The following CLEC16A variants were observed in gnomAD, a reference collection of about 807,000 sequenced individuals.
CLEC16A encodes the protein C-type lectin domain containing 16A.
In CLEC16A, 51 loss-of-function variants were observed where a neutral mutation model predicts 109.5. That is an observed-to-expected ratio of 0.47 (90% confidence interval 0.37 to 0.59). CLEC16A has a LOEUF of 0.59. Ranked by LOEUF, CLEC16A falls within the 20% of genes least tolerant of loss-of-function variation. The pLI, the probability that CLEC16A is intolerant of heterozygous loss-of-function variation, is 0.00. For synonymous variants in CLEC16A, 673 were observed against 564.2 expected (o/e 1.19, Z -2.73); for missense variants, 1,339 against 1,394.0 (o/e 0.96, Z 0.63).
At chr16:11,110,827 T>G in intron 19 of CLEC16A, among the ~76,000 whole-genome samples, 1 of 152,212 alleles carries the variant, frequency 6.6e-6, no homozygotes, top group Non-Finnish European at 1.5e-5. Flanking sequence ...TCACACAGTT[T>G]AATAACTGGC....
At chr16:11,159,501 C>T (rs1293104910) in intron 22 of CLEC16A, among the ~76,000 whole-genome samples, 3 of 152,208 alleles carry the variant, frequency 2.0e-5, no homozygotes, top group Non-Finnish European at 2.9e-5. Flanking sequence ...CATGCCAGCC[C>T]GAGCAGTTCC....
chr16:11,034,797 C>T (rs1447045850), intron 13 of CLEC16A, among the ~76,000 whole-genome samples: 2 of 152,184 alleles, frequency 1.3e-5, no homozygotes, highest in East Asian at 3.8e-4. Context: ...ATATTATCCA[C>T]AGTGTTTATT....
At chr16:11,142,207 C>A (rs1476670560) in intron 22 of CLEC16A, among the ~76,000 whole-genome samples, 1 of 152,224 alleles carries the variant, frequency 6.6e-6, no homozygotes, top group Non-Finnish European at 1.5e-5. Flanking sequence ...AAACCCACTG[C>A]TAGGCCATCG....
intron 11 of CLEC16A, among the ~76,000 whole-genome samples, chr16:11,003,778 C>T (rs1000730859): frequency 6.6e-6 from 1 of 151,816 alleles, no homozygotes; most frequent in Non-Finnish European, 1.5e-5. Flanking sequence ...TTCCCAATAA[C>T]CTGGGGTTAT....
rs1218201371 is a variant in CLEC16A at position 11,032,843 on chromosome 16, G to A, written c.1538-6911G>A. 2.6e-5 allele frequency among the ~76,000 whole-genome samples: 4 copies of A among 152,228 alleles called. No homozygotes were observed. In the East Asian group the frequency reaches 7.7e-4, roughly 29 times the overall value. ...GCGGGCAGGGGCCAGGTCATGAAGG[G>A]CCTTGAAGGCCCTGAAGAGGAATTG... is the stretch of plus-strand genomic sequence containing the variant. On this transcript the variant is annotated intron_variant, in intron 13 of 23. Transcript: ENST00000409790.
In CLEC16A at chr16:11,061,151, A is replaced by G; in HGVS notation, c.2116+129A>G. 4 of 1,104,658 alleles carry G rather than the reference A, an allele frequency of 3.6e-6. No homozygotes were observed. The South Asian group carries it at 6.3e-5, about 17-fold the overall frequency. 68.4% of individuals were successfully genotyped at this position (1,104,658 alleles called of 1,614,324 possible). A position where few individuals can be genotyped will look rare whatever the true frequency, so the allele number is the denominator to read the frequency against. On this transcript the variant is annotated intron_variant, in intron 19 of 23. Coordinates refer to ENST00000409790, the MANE Select transcript of CLEC16A (RefSeq NM_015226.3). ...CATTTTGTACTATTATTGAGCTGTG[A>G]CCTTGAGCCAGCGGTGTGCATGTCC... is the stretch of plus-strand genomic sequence containing the variant.
At chr16:11,010,686 G>T (rs2045349329) in intron 11 of CLEC16A, among the ~76,000 whole-genome samples, 1 of 152,118 alleles carries the variant, frequency 6.6e-6, no homozygotes, top group South Asian at 2.1e-4. Context: ...GTATTCTCCT[G>T]CTGTGTTCTT....
At chr16:10,947,584 C>T (rs558452749) in intron 1 of CLEC16A, among the ~76,000 whole-genome samples, 62 of 152,266 alleles carry the variant, frequency 4.1e-4, no homozygotes, top group Non-Finnish European at 6.8e-4. Context: ...CAGGTGGGGG[C>T]TGATAGCTGT....
intron 1 of CLEC16A, among the ~76,000 whole-genome samples, chr16:10,946,222 G>A (rs1040687934): frequency 8.5e-5 from 13 of 152,320 alleles, no homozygotes; most frequent in African/African-American, 3.1e-4. Context: ...TTAGGGATAT[G>A]GTGGGAAGTA....
intron 4 of CLEC16A, among the ~76,000 whole-genome samples, 188 bp downstream of exon 4, chr16:10,969,497 G>A (rs2042676086): frequency 6.6e-6 from 1 of 151,742 alleles, no homozygotes; most frequent in Non-Finnish European, 1.5e-5. Flanking sequence ...AATTAAATAA[G>A]TTACCTTTCT....
At position 11,159,715 on chromosome 16, in the gene CLEC16A, G is replaced by A. The variant is rs1354049904; in HGVS notation, c.2642-6673G>A. On this transcript the variant is annotated intron_variant, in intron 22 of 23. Coordinates refer to ENST00000409790, the MANE Select transcript of CLEC16A (RefSeq NM_015226.3). ...GGTGAATTGGTGTGTCGTGTAGATC[G>A]CCTGTTTTTTTCCCTGTGGTCTTAG... Among the ~76,000 whole-genome samples the A allele has an allele frequency of 4.0e-5, 4 of 99,296 alleles. No homozygotes were observed. The East Asian group carries it at 8.7e-4, about 22-fold the overall frequency. 65.1% of individuals were successfully genotyped at this position (99,296 alleles called of 152,430 possible).
intron 1 of CLEC16A, among the ~76,000 whole-genome samples, chr16:10,948,142 C>A (rs2041519840): frequency 1.3e-5 from 2 of 152,194 alleles, no homozygotes; most frequent in Admixed American, 6.5e-5. Context: ...ATCTGCCCTC[C>A]TTGACCTCCC....
rs1007856384 is a variant in CLEC16A at position 10,962,669 on chromosome 16, G to A, written c.343+81G>A. On this transcript the variant is annotated intron_variant, in intron 3 of 23. Transcript: ENST00000409790. ...GTTGGGCGTGGTTTTCTGTGTCTGC[G>A]CTTACTATTCGTCGGCTCAGGCTAT... 4.3e-5 allele frequency: 63 copies of A among 1,479,504 alleles called. No homozygotes were observed. In the South Asian group the frequency reaches 5.6e-4, roughly 13 times the overall value. The allele number at this position is 1,479,504 out of a possible 1,614,324, so 91.6% of individuals were successfully genotyped here.
At chr16:11,091,558 C>G (rs1441448728) in intron 19 of CLEC16A, among the ~76,000 whole-genome samples, 2 of 152,172 alleles carry the variant, frequency 1.3e-5, no homozygotes, top group African/African-American at 4.8e-5. Flanking sequence ...GGCGCTGGCT[C>G]GGAGATGGGT....
At chr16:11,082,307 AGG>A (rs2049770827) in intron 19 of CLEC16A, among the ~76,000 whole-genome samples, 3 of 152,200 alleles carry the variant, frequency 2.0e-5, no homozygotes, top group African/African-American at 7.2e-5. Flanking sequence ...CTGCAGGGCC[AGG>A]GCCCTAGGGC....
intron 22 of CLEC16A, among the ~76,000 whole-genome samples, chr16:11,136,478 T>C (rs768796947): frequency 6.6e-6 from 1 of 152,228 alleles, no homozygotes; most frequent in Non-Finnish European, 1.5e-5. Context: ...TTGTTGTTGT[T>C]GTTGTTGTTG....
intron 1 of CLEC16A, among the ~76,000 whole-genome samples, chr16:10,949,804 C>T (rs1237545868): frequency 1.3e-5 from 2 of 152,166 alleles, no homozygotes; most frequent in Admixed American, 6.5e-5. Context: ...AGCAGGGGCT[C>T]TGCTGCCGTC....
intron 11 of CLEC16A, among the ~76,000 whole-genome samples, chr16:11,011,448 G>A (rs1461158936): frequency 6.6e-6 from 1 of 152,112 alleles, no homozygotes; most frequent in Non-Finnish European, 1.5e-5. Context: ...GAGTTGGCCT[G>A]CAGGAACCCT....
In CLEC16A at chr16:10,961,349, C is replaced by T. The variant is rs994575705; in HGVS notation, c.210-1106C>T. 5.9e-5 allele frequency among the ~76,000 whole-genome samples: 9 copies of T among 152,126 alleles called. No individual in the cohort carries two copies. Among genetic ancestry groups the T allele is most frequent in the African/African-American group, 2.2e-4 (9 of 41,418 alleles). ...AGAATCAGGCAGCACTGAGTAAGTT[C>T]CAGGCCCATGACCTCACCACTGTGG... is the stretch of plus-strand genomic sequence containing the variant. On this transcript the variant is annotated intron_variant, in intron 2 of 23. Coordinates refer to ENST00000409790, the MANE Select transcript of CLEC16A (RefSeq NM_015226.3). This position sits in a 1 kb window ranked among gnomAD's most constrained non-coding sequence, Gnocchi z 4.3.
Sources: allele counts gnomAD v4.1 joint callset (sites outside exome capture counted in the v4.1 genomes callset), GRCh38; gene constraint gnomAD v4.1.1; non-coding constraint Gnocchi (gnomAD v3.1); transcripts MANE v1.5; gene names NCBI Gene and HGNC (gene_info 2026-07-23, HGNC 2026-07-21).